The following PCLO variants were observed in gnomAD, a reference collection of about 807,000 sequenced individuals.
PCLO encodes protein piccolo.
Under a neutral mutation model 427.5 loss-of-function variants are expected in PCLO, and 82 were observed. The ratio of observed to expected loss-of-function variants is 0.19; its 90% CI spans 0.16 to 0.23. The LOEUF is 0.23. PCLO is among the 10% of genes least tolerant of loss of function. PCLO has a pLI of 1.00. For synonymous variants in PCLO, 2,357 were observed against 2,155.4 expected, an observed-to-expected ratio of 1.09 and a Z score of -2.59; for missense variants, 6,239 against 6,115.9, an observed-to-expected ratio of 1.02 and a Z score of -0.67.
intron 3 of PCLO, among the ~76,000 whole-genome samples, chr7:83,046,406 T>C (rs569591807): frequency 6.6e-6 from 1 of 152,104 alleles, no homozygotes; most frequent in Non-Finnish European, 1.5e-5. Flanking sequence ...TCAGATTGTA[T>C]ACCTATGTTA....
At chr7:83,093,492 A>ATATATTTTTTTTTTTTTTTTTTT in intron 3 of PCLO, among the ~76,000 whole-genome samples, 7 of 59,312 alleles carry the variant, frequency 1.2e-4, no homozygotes, top group Admixed American at 2.9e-4. Context: ...ATATATATAT[A>ATATATTTTTTTTTTTTTTTTTTT]TTTTTTTTTT....
intron 8 of PCLO, among the ~76,000 whole-genome samples, chr7:82,904,254 T>A (rs534094531): frequency 2.0e-5 from 3 of 151,976 alleles, no homozygotes; most frequent in East Asian, 3.9e-4. Context: ...TTCCCTGCTG[T>A]TCACTCTTCT....
intron 3 of PCLO, among the ~76,000 whole-genome samples, chr7:82,972,742 G>A (rs182007839): frequency 6.6e-6 from 1 of 152,092 alleles, no homozygotes; most frequent in African/African-American, 2.4e-5. Flanking sequence ...CAAGTTCCCT[G>A]CCCACTATGA....
chr7:82,908,071 T>C (rs1468363699), intron 8 of PCLO, among the ~76,000 whole-genome samples: 1 of 152,056 alleles, frequency 6.6e-6, no homozygotes, highest in Non-Finnish European at 1.5e-5. Flanking sequence ...TCAACTATTT[T>C]GGATATTTCA....
At chr7:83,084,833 C>T (rs1686952111) in intron 3 of PCLO, among the ~76,000 whole-genome samples, 1 of 152,148 alleles carries the variant, frequency 6.6e-6, no homozygotes, top group Non-Finnish European at 1.5e-5. Flanking sequence ...GCTTTCAAGC[C>T]TCCACCTGTA....
chr7:83,027,329 T>G (rs1437242201), intron 3 of PCLO, among the ~76,000 whole-genome samples: 1 of 151,572 alleles, frequency 6.6e-6, no homozygotes, highest in Non-Finnish European at 1.5e-5. Flanking sequence ...TACAAACACC[T>G]CTACGCAAAT....
chr7:83,050,015 A>G (rs1473639028), intron 3 of PCLO, among the ~76,000 whole-genome samples: 1 of 149,798 alleles, frequency 6.7e-6, no homozygotes, highest in Non-Finnish European at 1.5e-5. Context: ...TTCCTGACCC[A>G]TATACAGTCT....
At chr7:82,847,084 TAA>T in intron 11 of PCLO, 53 bp downstream of exon 11, 2 of 891,918 alleles carry the variant, frequency 2.2e-6, no homozygotes, top group Non-Finnish European at 3.6e-6. Flanking sequence ...AATTTTAAAT[TAA>T]AAGAGTCATG....
chr7:82,894,797 T>A (rs58705702), intron 9 of PCLO, among the ~76,000 whole-genome samples: 5,965 of 152,082 alleles, frequency 0.039, 399 homozygotes, highest in African/African-American at 0.13. Flanking sequence ...AGACTTGCAA[T>A]TTATTTGGGG....
intron 6 of PCLO, among the ~76,000 whole-genome samples, chr7:82,919,969 G>T (rs1794558923): frequency 6.6e-6 from 1 of 151,900 alleles, no homozygotes. Context: ...ATGTGTGTGA[G>T]GGGTGTGTAC....
chr7:82,945,378 T>C (rs1030917688), intron 6 of PCLO, among the ~76,000 whole-genome samples: 2 of 151,362 alleles, frequency 1.3e-5, no homozygotes, highest in Non-Finnish European at 2.9e-5. Context: ...GGATATATTT[T>C]ATGGGTCGAA....
intron 6 of PCLO, among the ~76,000 whole-genome samples, chr7:82,926,981 G>A (rs972675419): frequency 6.6e-6 from 1 of 151,942 alleles, no homozygotes; most frequent in Non-Finnish European, 1.5e-5. Context: ...AATATATCCT[G>A]TTCATATGGT....
chr7:82,939,598 T>A (rs1415043627), intron 6 of PCLO, among the ~76,000 whole-genome samples: 4 of 150,814 alleles, frequency 2.7e-5, no homozygotes, highest in Admixed American at 1.3e-4. Flanking sequence ...GAAAAAAAAA[T>A]ATATTTCTTT....
rs546319447 is a variant in PCLO at position 82,827,916 on chromosome 7, T to G, written c.14300A>C (p.Glu4767Ala). 6.2e-7 allele frequency: 1 copy of G among 1,604,488 alleles called. No individual in the cohort carries two copies. Among genetic ancestry groups the G allele is most frequent in the Non-Finnish European group, 8.5e-7 (1 of 1,172,308 alleles). The change falls in exon 17 of 25, where the codon GAG becomes GCG. Residue 4767 changes from glutamate to alanine, a missense_variant. Transcript: ENST00000333891. ...TKHVQKSLNP[E>A]WNQTVIYKSI... ...TTTATAAATTACTGTTTGATTCCAC[T>G]CAGGATTAAGACTTTTCTGGACATG...
intron 22 of PCLO, among the ~76,000 whole-genome samples, chr7:82,776,906 GCACACACACA>G (rs59900491): frequency 2.2e-5 from 3 of 139,260 alleles, no homozygotes; most frequent in Non-Finnish European, 4.8e-5. Context: ...ATAGATATAC[GCACACACACA>G]CACACACACA....
chr7:83,011,620 T>A (rs1583904963), intron 3 of PCLO, among the ~76,000 whole-genome samples: 2 of 150,998 alleles, frequency 1.3e-5, no homozygotes, highest in East Asian at 3.9e-4. Flanking sequence ...AAAAAACAAA[T>A]CCTAAGAGAA....
rs754980646 is a variant in PCLO at position 82,845,402 on chromosome 7, C to A, written c.13915G>T (p.Val4639Phe). The change falls in exon 13 of 25, where the codon GTT becomes TTT. Residue 4639 changes from valine (V) to phenylalanine (F), a missense_variant. By Grantham distance (50) the Val-to-Phe change is conservative. Transcript: ENST00000333891. ...CCTTTTTCAACAACTGATGACAGAA[C>A]CAGCGGTGACTGCTGTAGTGAAACC... ...QKVSLQQSPLVLSSVVEKGSH... is the reference protein window; with the variant it reads ...QKVSLQQSPLFLSSVVEKGSH... The A allele has an allele frequency of 6.2e-7, 1 of 1,613,258 alleles. No homozygotes were observed. The highest frequency in any genetic ancestry group is 1.1e-5 in the South Asian group (1 of 91,064).
chr7:83,107,835 G>A (rs940265416), intron 3 of PCLO, among the ~76,000 whole-genome samples: 15 of 150,760 alleles, frequency 9.9e-5, no homozygotes, highest in African/African-American at 3.4e-4. Context: ...CTAAAAACAC[G>A]AAAATTAGCT....
At chr7:83,021,764 A>G (rs1323694027) in intron 3 of PCLO, among the ~76,000 whole-genome samples, 1 of 152,222 alleles carries the variant, frequency 6.6e-6, no homozygotes, top group African/African-American at 2.4e-5. Flanking sequence ...GTGTTTTGAC[A>G]TATTTTATTT....
Sources: gnomAD v4.1 joint callset for allele counts (sites outside exome capture counted in the v4.1 genomes callset) on GRCh38, gnomAD v4.1.1 for gene constraint, MANE v1.5 for transcripts, NCBI Gene and HGNC (gene_info 2026-07-23, HGNC 2026-07-21) for gene names.